The following GRM3 variants were observed in gnomAD, a reference collection of about 807,000 sequenced individuals.
GRM3 encodes the protein metabotropic glutamate receptor 3.
Under a neutral mutation model 70.5 loss-of-function variants are expected in GRM3, and 26 were observed. That is an observed-to-expected ratio of 0.37 (90% CI 0.27 to 0.51). GRM3 has a LOEUF of 0.51. Ranked by LOEUF, GRM3 falls within the 20% of genes least tolerant of loss-of-function variation. GRM3 has a pLI of 0.93. For synonymous variants in GRM3, 443 were observed against 434.9 expected (o/e 1.02, Z -0.23); for missense variants, 859 against 1,123.8 (o/e 0.76, Z 3.37).
At chr7:86,646,868 T>C (rs1226741493) in intron 1 of GRM3, among the ~76,000 whole-genome samples, 1 of 152,202 alleles carries the variant, frequency 6.6e-6, no homozygotes, top group African/African-American at 2.4e-5. Flanking sequence ...GACCTACTTA[T>C]TTTTGCACAA....
chr7:86,694,511 C>CAAAAAAAAAAA (rs1226119828), intron 1 of GRM3, among the ~76,000 whole-genome samples: 3 of 37,656 alleles, frequency 8.0e-5, no homozygotes, highest in Non-Finnish European at 4.9e-5. Context: ...GACTCTGTCT[C>CAAAAAAAAAAA]AAAAAAAAAA....
At chr7:86,674,674 A>G (rs958435486) in intron 1 of GRM3, among the ~76,000 whole-genome samples, 1 of 152,162 alleles carries the variant, frequency 6.6e-6, no homozygotes, top group Non-Finnish European at 1.5e-5. Context: ...CAGTTTCTTT[A>G]CATAGCTTAC....
At chr7:86,829,033 T>A (rs1798299118) in intron 3 of GRM3, among the ~76,000 whole-genome samples, 1 of 152,226 alleles carries the variant, frequency 6.6e-6, no homozygotes, top group Non-Finnish European at 1.5e-5. Context: ...CTCATCTGTT[T>A]TAGTTTGATC....
At position 86,786,954 on chromosome 7, in the gene GRM3, T is replaced by A. The variant is rs774308739; in HGVS notation, c.1162T>A (p.Ser388Thr). The change falls in exon 3 of 6, where the codon TCC becomes ACC. Residue 388 changes from serine to threonine, a missense_variant. Physicochemically the swap from Ser to Thr is moderately conservative, Grantham distance 58 (BLOSUM62 1). Transcript: ENST00000361669. The surrounding 1 kb of genome is among the most constrained non-coding windows in gnomAD (Gnocchi z 6.0). ...CGACAGCAGCAACTACGAGCAAGAG[T>A]CCAAGATCATGTTTGTGGTGAACGC... The part of the protein sequence containing the change: ...AIDSSNYEQE[S>T]KIMFVVNAVY... The A allele has an allele frequency of 4.3e-6, 7 of 1,613,846 alleles. No individual in the cohort carries two copies. Among genetic ancestry groups the A allele is most frequent in the African/African-American group, 1.3e-5 (1 of 74,838 alleles).
chr7:86,676,975 C>T (rs748075759), intron 1 of GRM3, among the ~76,000 whole-genome samples: 3 of 151,814 alleles, frequency 2.0e-5, no homozygotes, highest in Non-Finnish European at 4.4e-5. Flanking sequence ...CAGTAGGTAC[C>T]AAGGCCTTAA....
intron 3 of GRM3, among the ~76,000 whole-genome samples, chr7:86,822,169 G>A (rs1412461847): frequency 1.3e-5 from 2 of 151,612 alleles, no homozygotes; most frequent in Non-Finnish European, 2.9e-5. Flanking sequence ...GCACACTAAC[G>A]CAGATATTTT....
At chr7:86,713,566 T>A (rs1437137032) in intron 1 of GRM3, among the ~76,000 whole-genome samples, 1 of 151,922 alleles carries the variant, frequency 6.6e-6, no homozygotes, top group African/African-American at 2.4e-5. Flanking sequence ...GGCCCCTCCC[T>A]ACCCCCCGTC....
At chr7:86,755,238 A>G (rs565618460) in intron 1 of GRM3, among the ~76,000 whole-genome samples, 3 of 152,278 alleles carry the variant, frequency 2.0e-5, no homozygotes, top group South Asian at 4.1e-4. Context: ...GTCAGACCAA[A>G]ATGGAAAAAT....
chr7:86,675,437 T>C (rs1376331593), intron 1 of GRM3, among the ~76,000 whole-genome samples: 1 of 151,992 alleles, frequency 6.6e-6, no homozygotes, highest in African/African-American at 2.4e-5. Context: ...ACACAAGTAA[T>C]CCTAGCCTGA....
At chr7:86,789,654 G>A (rs1188429856) in intron 3 of GRM3, among the ~76,000 whole-genome samples, 1 of 152,042 alleles carries the variant, frequency 6.6e-6, no homozygotes, top group Middle Eastern at 3.2e-3. Context: ...TGTTCAATTA[G>A]GCTGAAAAAA....
chr7:86,848,258 G>A (rs1386207814), intron 4 of GRM3, among the ~76,000 whole-genome samples: 2 of 152,150 alleles, frequency 1.3e-5, no homozygotes, highest in Non-Finnish European at 2.9e-5. Context: ...ATTTCCTCCT[G>A]AGGTCTGGCC....
intron 1 of GRM3, among the ~76,000 whole-genome samples, chr7:86,646,325 TG>T (rs1262456764): frequency 2.0e-5 from 3 of 152,218 alleles, no homozygotes; most frequent in Non-Finnish European, 2.9e-5. Context: ...CAATGGGTAG[TG>T]TTTTATATTT....
At chr7:86,743,614 T>C (rs2116330005) in intron 1 of GRM3, among the ~76,000 whole-genome samples, 1 of 152,186 alleles carries the variant, frequency 6.6e-6, no homozygotes, top group South Asian at 2.1e-4. Flanking sequence ...ACAATATAGG[T>C]TTTCATACCT....
intron 2 of GRM3, among the ~76,000 whole-genome samples, chr7:86,770,615 A>C (rs1168862019): frequency 6.6e-6 from 1 of 152,108 alleles, no homozygotes; most frequent in Admixed American, 6.6e-5. Context: ...CACAGTGCTC[A>C]AGGGGACCAC....
intron 3 of GRM3, among the ~76,000 whole-genome samples, chr7:86,832,536 C>A (rs1193803967): frequency 6.6e-6 from 1 of 152,114 alleles, no homozygotes; most frequent in African/African-American, 2.4e-5. Context: ...CAGGAGTCAG[C>A]CACTGCGCCC....
intron 1 of GRM3, among the ~76,000 whole-genome samples, chr7:86,698,795 G>A (rs1377331283): frequency 6.6e-6 from 1 of 152,042 alleles, no homozygotes; most frequent in Non-Finnish European, 1.5e-5. Flanking sequence ...GGCCATAGCA[G>A]CAGTAGCTGC....
chr7:86,820,262 A>G (rs1798093701), intron 3 of GRM3, among the ~76,000 whole-genome samples: 1 of 152,094 alleles, frequency 6.6e-6, no homozygotes, highest in Non-Finnish European at 1.5e-5. Flanking sequence ...AATAGCTGTG[A>G]GTGTGTCTTT....
In GRM3 at chr7:86,672,959, C is replaced by T. The variant is rs367593360; in HGVS notation, c.-141+28087C>T. Among the ~76,000 whole-genome samples, 6 of 152,222 alleles carry T rather than the reference C, an allele frequency of 3.9e-5. No homozygotes were observed. The South Asian group carries it at 1.2e-3, about 32-fold the overall frequency. On this transcript the variant is annotated intron_variant, in intron 1 of 5. Coordinates refer to ENST00000361669, the MANE Select transcript of GRM3 (RefSeq NM_000840.3). The stretch of plus-strand genomic sequence containing the variant: ...GTATCTTTTAGATCAATATTGACTC[C>T]TCTCTATACCCAAAAAAGGTAATGA...
chr7:86,776,091 G>A (rs1362404140), intron 2 of GRM3: 2 of 151,964 alleles, frequency 1.3e-5, no homozygotes, highest in South Asian at 2.1e-4. Flanking sequence ...ATCAGTCAAA[G>A]TTTGCTGAAT....
Sources: allele counts gnomAD v4.1 joint callset (sites outside exome capture counted in the v4.1 genomes callset), GRCh38; gene constraint gnomAD v4.1.1; non-coding constraint Gnocchi (gnomAD v3.1); transcripts MANE v1.5; gene names NCBI Gene and HGNC (gene_info 2026-07-23, HGNC 2026-07-21).